The following L3MBTL4 variants were observed in gnomAD, a reference collection of about 807,000 sequenced individuals.
L3MBTL4 encodes lethal(3)malignant brain tumor-like protein 4.
A neutral mutation model predicts 84.5 loss-of-function variants in L3MBTL4; 70 were observed. That is an observed-to-expected ratio of 0.83 (90% CI 0.68 to 1.01). L3MBTL4 has a LOEUF of 1.01. L3MBTL4 is among the 50% of genes least tolerant of loss of function. The pLI is 0.00. For synonymous variants in L3MBTL4, 274 were observed against 259.8 expected (o/e 1.05, Z -0.52); for missense variants, 715 against 754.8 (o/e 0.95, Z 0.62).
intron 5 of L3MBTL4, 45 bp downstream of exon 5, chr18:6,263,902 T>C (rs368770725): frequency 2.1e-5 from 27 of 1,275,464 alleles, no homozygotes; most frequent in Non-Finnish European, 2.4e-5. Context: ...CTAAACCTCT[T>C]AAGTGTTGCT....
intron 16 of L3MBTL4, 91 bp from the exon 17 acceptor site, chr18:5,969,653 G>T: frequency 7.4e-7 from 1 of 1,351,302 alleles, no homozygotes; most frequent in South Asian, 1.4e-5. Flanking sequence ...CCAAGTCAGG[G>T]GACGGAAAGT....
At chr18:5,959,572 G>T (rs1478207862) in intron 18 of L3MBTL4, among the ~76,000 whole-genome samples, 1 of 152,102 alleles carries the variant, frequency 6.6e-6, no homozygotes, top group African/African-American at 2.4e-5. Flanking sequence ...AAGGATTTGG[G>T]GCTGCTCTGG....
In L3MBTL4 at chr18:6,241,528, G is replaced by C. The variant is rs999296811; in HGVS notation, c.461-79C>G. On this transcript the variant is annotated intron_variant, in intron 7 of 18. Coordinates refer to ENST00000317931, the MANE Select transcript of L3MBTL4 (RefSeq NM_001330559.2). ...TTAAATATATTAGGTTGGTGCAAAA[G>C]TAAGTGCGGTTTTGGCCATTACTTT... 1.3e-4 allele frequency: 105 copies of C among 782,484 alleles called. No homozygotes were observed. In the East Asian group the frequency reaches 2.8e-3, roughly 21 times the overall value. 48.5% of individuals were successfully genotyped at this position (782,484 alleles called of 1,614,324 possible).
At chr18:6,312,468 T>C (rs1468467203) in intron 1 of L3MBTL4, among the ~76,000 whole-genome samples, 2 of 152,214 alleles carry the variant, frequency 1.3e-5, no homozygotes, top group African/African-American at 4.8e-5. Flanking sequence ...TCCTCCTCTT[T>C]GCACTGATAA....
chr18:6,243,150 C>A, intron 7 of L3MBTL4, 144 bp downstream of exon 7: 1 of 617,852 alleles, frequency 1.6e-6, no homozygotes, highest in Non-Finnish European at 2.5e-6. Flanking sequence ...CCATTATAGT[C>A]TTACTACTCT....
intron 13 of L3MBTL4, among the ~76,000 whole-genome samples, chr18:6,159,307 T>G (rs1418266483): frequency 6.6e-6 from 1 of 152,164 alleles, no homozygotes; most frequent in Non-Finnish European, 1.5e-5. Context: ...ATTATAAAAG[T>G]GCATATTGCA....
At chr18:5,958,062 GAGAAGAAGAAGA>G (rs563678931) in intron 18 of L3MBTL4, among the ~76,000 whole-genome samples, 1,763 of 93,152 alleles carry the variant, frequency 0.019, 24 homozygotes, top group Middle Eastern at 0.046. Flanking sequence ...GAAGGAGAAG[GAGAAGAAGAAGA>G]AGAAGAAGAA....
At chr18:6,392,790 A>G (rs2055111894) in intron 1 of L3MBTL4, among the ~76,000 whole-genome samples, 1 of 152,190 alleles carries the variant, frequency 6.6e-6, no homozygotes, top group Admixed American at 6.5e-5. Flanking sequence ...AATAAATGGA[A>G]CCTAATTAAA....
intron 1 of L3MBTL4, among the ~76,000 whole-genome samples, chr18:6,400,457 T>A (rs1176115547): frequency 6.6e-6 from 1 of 152,208 alleles, no homozygotes; most frequent in Non-Finnish European, 1.5e-5. Flanking sequence ...TCATCCAGGC[T>A]ACAGTGCAGT....
At chr18:6,266,012 A>G (rs2146407115) in intron 4 of L3MBTL4, among the ~76,000 whole-genome samples, 1 of 152,336 alleles carries the variant, frequency 6.6e-6, no homozygotes, top group East Asian at 1.9e-4. Context: ...CGGATATGTT[A>G]ATTCACTTGA....
In L3MBTL4 at chr18:6,093,363, A is replaced by G. The variant is rs113893161; in HGVS notation, c.1365T>C (p.Ser455=). 3 of 1,606,796 alleles carry G rather than the reference A, an allele frequency of 1.9e-6. No individual in the cohort carries two copies. Among genetic ancestry groups the G allele is most frequent in the Non-Finnish European group, 2.5e-6 (3 of 1,178,120 alleles). The change falls in exon 15 of 19, where the codon AGT becomes AGC. Residue 455 remains serine, a synonymous_variant. Coordinates refer to ENST00000317931, the MANE Select transcript of L3MBTL4 (RefSeq NM_001330559.2). ...TTTAAGAAGTTTCTTACCTGGGCTG[A>G]CTGTTCACCTTTTCATGTTTTCCAT... is the stretch of plus-strand genomic sequence containing the variant. ...NFNGKHEKVN[S]QPRLVQQAKC... is the part of the protein sequence containing the mutation.
chr18:6,093,516 G>C lies in L3MBTL4; in HGVS notation c.1212C>G (p.Cys404Trp). ...TTTTCAAGTTCATGTCTGAATACGG[G>C]CAGCCAAAAGCACTGGTTTGTATAA... ...RYSGHHSAFG[C>W]PYSDMNLKKE... Residue 404 changes from cysteine to tryptophan, a missense_variant, in exon 15 of 19, where the codon TGC (cysteine) becomes TGG (tryptophan). By Grantham distance (215) the Cys-to-Trp change is radical (BLOSUM62 -2). Coordinates refer to ENST00000317931, the MANE Select transcript of L3MBTL4 (RefSeq NM_001330559.2). 6.2e-7 allele frequency: 1 copy of C among 1,612,366 alleles called. No homozygotes were observed. The highest frequency in any genetic ancestry group is 8.5e-7 in the Non-Finnish European group (1 of 1,179,490).
At chr18:6,286,674 A>G (rs941829763) in intron 4 of L3MBTL4, among the ~76,000 whole-genome samples, 5 of 152,180 alleles carry the variant, frequency 3.3e-5, no homozygotes, top group Admixed American at 6.5e-5. Flanking sequence ...TGATGTCAGA[A>G]GCAAGGTTCC....
chr18:6,241,383 T>G lies in L3MBTL4; in HGVS notation c.527A>C (p.Lys176Thr). ...AGGACTTCTGTTTCTGAATAATTTC[T>G]TTGGAGCATTTTGCAATTTGCAGGC... is the stretch of plus-strand genomic sequence containing the variant. ...LKACKLQNAP[K>T]KLFRNRSPNG... Residue 176 changes from lysine (K) to threonine (T), a missense_variant, in exon 8 of 19, where the codon AAG becomes ACG. Transcript: ENST00000317931. 1.3e-6 allele frequency: 2 copies of G among 1,599,282 alleles called. No homozygotes were observed. Among genetic ancestry groups the G allele is most frequent in the Non-Finnish European group, 1.7e-6 (2 of 1,169,944 alleles).
chr18:6,275,260 A>C (rs761107232), intron 4 of L3MBTL4, among the ~76,000 whole-genome samples: 7 of 152,160 alleles, frequency 4.6e-5, no homozygotes, highest in Non-Finnish European at 1.0e-4. Context: ...GATAGTGAGA[A>C]GGGGCAGCCA....
chr18:6,329,151 C>CTTTTTTTTTTTTT (rs992694853), intron 1 of L3MBTL4, among the ~76,000 whole-genome samples: 211 of 126,444 alleles, frequency 1.7e-3, no homozygotes, highest in Middle Eastern at 4.2e-3. Flanking sequence ...TTTTTCTTTT[C>CTTTTTTTTTTTTT]TTTTTTTTTT....
In L3MBTL4 at chr18:6,309,781, A is replaced by C. The variant is rs1031005823; in HGVS notation, c.72+1773T>G. Among the ~76,000 whole-genome samples the C allele has an allele frequency of 3.3e-5, 5 of 152,372 alleles. No individual in the cohort carries two copies. The East Asian group carries it at 9.6e-4, about 29-fold the overall frequency. ...TAACCGAGTACTAAGATAGGGGGGT[A>C]ACAATCTCAGCAGCTTAAAGAGAAA... is the stretch of plus-strand genomic sequence containing the variant. On this transcript the variant is annotated intron_variant, in intron 3 of 18. Transcript: ENST00000317931.
Position 5,955,015 on chromosome 18 carries a change from A to G in L3MBTL4, c.*1205T>C, listed in dbSNP as rs2095219172. 1 of 152,184 alleles carries G rather than the reference A, an allele frequency of 6.6e-6. No individual in the cohort carries two copies. Among genetic ancestry groups the G allele is most frequent in the Non-Finnish European group, 1.5e-5 (1 of 68,038 alleles). The allele number at this position is 152,184 out of a possible 1,614,324, so 9.4% of individuals were successfully genotyped here. On this transcript the variant is annotated 3_prime_UTR_variant, in exon 19 of 19. Coordinates refer to ENST00000317931, the MANE Select transcript of L3MBTL4 (RefSeq NM_001330559.2). ...AAACCTTAACATTCTTAATGAAGCA[A>G]GTGGACATAGAACCTCTCCCTCTTT... is the stretch of plus-strand genomic sequence containing the variant.
chr18:6,078,935 G>A (rs979212732), intron 16 of L3MBTL4, among the ~76,000 whole-genome samples: 2 of 152,136 alleles, frequency 1.3e-5, no homozygotes, highest in Non-Finnish European at 1.5e-5. Flanking sequence ...TAAGGAACAC[G>A]CAATCTAGAT....
Sources: allele counts gnomAD v4.1 joint callset (sites outside exome capture counted in the v4.1 genomes callset), GRCh38; gene constraint gnomAD v4.1.1; transcripts MANE v1.5; gene names NCBI Gene and HGNC (gene_info 2026-07-23, HGNC 2026-07-21).